The following NTM variants were observed in gnomAD, a reference collection of about 807,000 sequenced individuals.
NTM encodes IgLON family member 2.
NTM carries 13 observed loss-of-function variants against 42.1 expected under a neutral mutation model. The observed-to-expected ratio is 0.31, with a 90% CI of 0.20 to 0.49. The LOEUF (loss-of-function observed/expected upper bound fraction) is 0.49. NTM is among the 20% of genes least tolerant of loss of function. The pLI is 0.99. For synonymous variants in NTM, 187 were observed against 179.2 expected, an observed-to-expected ratio of 1.04 and a Z score of -0.35; for missense variants, 373 against 452.8, an observed-to-expected ratio of 0.82 and a Z score of 1.60.
chr11:131,494,078 C>T (rs1020317406), intron 1 of NTM, among the ~76,000 whole-genome samples: 4 of 152,228 alleles, frequency 2.6e-5, no homozygotes, highest in African/African-American at 7.2e-5. Flanking sequence ...CTAGAATGCA[C>T]TTTCCCCTGT....
At chr11:131,712,041 G>A (rs1199332424) in intron 1 of NTM, among the ~76,000 whole-genome samples, 1 of 148,926 alleles carries the variant, frequency 6.7e-6, no homozygotes, top group Non-Finnish European at 1.5e-5. Flanking sequence ...TAAATGACGA[G>A]TTAACGGGTG....
intron 1 of NTM, among the ~76,000 whole-genome samples, chr11:131,510,878 G>A (rs115547519): frequency 0.013 from 1,960 of 152,298 alleles, 27 homozygotes; most frequent in Middle Eastern, 0.02. Flanking sequence ...CCCCTGGGCC[G>A]TGGGAAGAGC....
At chr11:131,762,801 G>A (rs1035900421) in intron 1 of NTM, among the ~76,000 whole-genome samples, 2 of 152,086 alleles carry the variant, frequency 1.3e-5, no homozygotes, top group African/African-American at 4.8e-5. Flanking sequence ...GCCTGATGGA[G>A]AACTGAGAGC....
intron 1 of NTM, among the ~76,000 whole-genome samples, chr11:131,804,149 C>T (rs561911960): frequency 6.6e-6 from 1 of 152,300 alleles, no homozygotes; most frequent in Admixed American, 6.5e-5. Context: ...TATTGCTTCT[C>T]ACTCAAACTA....
At chr11:132,329,963 A>C (rs1055900183) in intron 7 of NTM, 190 bp from the exon 8 acceptor site, 2 of 452,846 alleles carry the variant, frequency 4.4e-6, no homozygotes, top group Non-Finnish European at 5.8e-6. Context: ...TGCCCAAGTA[A>C]ACCAGAAAAC....
intron 2 of NTM, among the ~76,000 whole-genome samples, chr11:132,019,185 T>C (rs2073937172): frequency 6.6e-6 from 1 of 152,044 alleles, no homozygotes. Flanking sequence ...ATCATTATTA[T>C]ATCACTTGTT....
intron 3 of NTM, among the ~76,000 whole-genome samples, chr11:132,158,921 A>G (rs2073759643): frequency 6.6e-6 from 1 of 152,216 alleles, no homozygotes; most frequent in African/African-American, 2.4e-5. Context: ...GAAAGAAAAC[A>G]GGAATGATAG....
intron 4 of NTM, among the ~76,000 whole-genome samples, chr11:132,247,296 A>T (rs1412310728): frequency 6.6e-6 from 1 of 152,190 alleles, no homozygotes; most frequent in Non-Finnish European, 1.5e-5. Flanking sequence ...AATTATACAA[A>T]TTTGGGTTTT....
intron 1 of NTM, among the ~76,000 whole-genome samples, chr11:131,418,154 A>G (rs570679859): frequency 1.2e-4 from 18 of 152,340 alleles, no homozygotes; most frequent in African/African-American, 4.3e-4. Context: ...GGATGATTGT[A>G]TCCAATCCTT....
At chr11:131,472,396 T>G (rs79146031) in intron 1 of NTM, among the ~76,000 whole-genome samples, 1,562 of 152,326 alleles carry the variant, frequency 0.01, 28 homozygotes, top group African/African-American at 0.035. Context: ...AAAAGAAGAC[T>G]GATCCCATGA....
At chr11:131,432,367 T>A (rs990696107) in intron 1 of NTM, among the ~76,000 whole-genome samples, 4 of 152,272 alleles carry the variant, frequency 2.6e-5, no homozygotes, top group African/African-American at 7.2e-5. Context: ...TTGTGATGAG[T>A]GCTCAGTAGA....
chr11:131,514,535 T>A (rs112882276), intron 1 of NTM, among the ~76,000 whole-genome samples: 4 of 152,288 alleles, frequency 2.6e-5, no homozygotes, highest in African/African-American at 7.2e-5. Flanking sequence ...CTGTATTATG[T>A]GTTACTTTTT....
intron 1 of NTM, among the ~76,000 whole-genome samples, chr11:131,851,808 A>G (rs2045589326): frequency 6.6e-6 from 1 of 152,174 alleles, no homozygotes; most frequent in Non-Finnish European, 1.5e-5. Flanking sequence ...TGGCCCATAG[A>G]TTATCTAACA....
intron 2 of NTM, among the ~76,000 whole-genome samples, chr11:132,096,647 C>A (rs988336524): frequency 1.3e-5 from 2 of 152,202 alleles, no homozygotes; most frequent in African/African-American, 2.4e-5. Flanking sequence ...TAATTACTGA[C>A]CCATCAAGGA....
At chr11:132,331,937 A>C (rs1443643872) in intron 8 of NTM, among the ~76,000 whole-genome samples, 2 of 152,200 alleles carry the variant, frequency 1.3e-5, no homozygotes, top group African/African-American at 4.8e-5. Context: ...TAGGTGTGGC[A>C]AGAAGAGACA....
intron 2 of NTM, among the ~76,000 whole-genome samples, chr11:131,970,297 T>C (rs916537796): frequency 1.3e-5 from 2 of 152,190 alleles, no homozygotes; most frequent in Non-Finnish European, 2.9e-5. Flanking sequence ...GATTTGATTG[T>C]ATGTTTTCTG....
At chr11:131,838,680 A>T (rs927944103) in intron 1 of NTM, among the ~76,000 whole-genome samples, 3 of 151,750 alleles carry the variant, frequency 2.0e-5, no homozygotes, top group Non-Finnish European at 2.9e-5. Flanking sequence ...TGCGCACTCA[A>T]ACTGATCTGA....
chr11:132,325,571 A>G (rs2136347448), intron 7 of NTM, among the ~76,000 whole-genome samples: 1 of 152,054 alleles, frequency 6.6e-6, no homozygotes, highest in South Asian at 2.1e-4. Context: ...TGTTGGTGGG[A>G]CTGTAAACTA....
At chr11:131,518,383 G>A (rs2049163493) in intron 1 of NTM, among the ~76,000 whole-genome samples, 1 of 152,118 alleles carries the variant, frequency 6.6e-6, no homozygotes, top group Admixed American at 6.6e-5. Flanking sequence ...TCTGCACGTG[G>A]GCTGTAGTTC....
Sources: gnomAD v4.1 joint callset for allele counts (sites outside exome capture counted in the v4.1 genomes callset) on GRCh38, gnomAD v4.1.1 for gene constraint, MANE v1.5 for transcripts, NCBI Gene and HGNC (gene_info 2026-07-23, HGNC 2026-07-21) for gene names.